TASP1: variants seen among roughly 807,000 people sequenced by gnomAD.
TASP1 encodes threonine aspartase 1.
TASP1 carries 16 observed loss-of-function variants against 56.6 expected under a neutral mutation model. The ratio of observed to expected loss-of-function variants is 0.28; its 90% confidence interval spans 0.19 to 0.43. The LOEUF (loss-of-function observed/expected upper bound fraction) is 0.43, where lower values mean the gene tolerates loss of function less well. Ranked by LOEUF, TASP1 falls within the 20% of genes least tolerant of loss-of-function variation. The pLI, the probability that TASP1 is intolerant of heterozygous loss-of-function variation, is 1.00. For synonymous variants in TASP1, 179 were observed against 184.2 expected (o/e 0.97, Z 0.23); for missense variants, 393 against 511.6 (o/e 0.77, Z 2.24).
At chr20:13,138,077 T>C in the TASP1 span, among the ~76,000 whole-genome samples, 35 of 152,286 alleles carry the variant, frequency 2.3e-4, no homozygotes, top group African/African-American at 8.2e-4. Flanking sequence ...TTGTCCCCTT[T>C]CCTGTGAGTT....
chr20:13,590,018 G>A (rs1191959292), intron 4 of TASP1, among the ~76,000 whole-genome samples: 1 of 151,962 alleles, frequency 6.6e-6, no homozygotes, highest in Non-Finnish European at 1.5e-5. Flanking sequence ...GATCACTTGA[G>A]GCCAGGACTT....
the TASP1 span, among the ~76,000 whole-genome samples, chr20:13,260,602 G>GT: frequency 0.039 from 5,675 of 144,930 alleles, 167 homozygotes; most frequent in African/African-American, 0.086. Flanking sequence ...ATAAAGTGGA[G>GT]TTTTTTTTTT....
the TASP1 span, among the ~76,000 whole-genome samples, chr20:13,375,329 C>A: frequency 6.6e-6 from 1 of 150,430 alleles, no homozygotes; most frequent in Non-Finnish European, 1.5e-5. Context: ...TGAGAAAATG[C>A]GGTGTTTGGT....
At chr20:13,488,691 T>TA (rs1446831676) in intron 10 of TASP1, among the ~76,000 whole-genome samples, 1 of 152,166 alleles carries the variant, frequency 6.6e-6, no homozygotes, top group East Asian at 1.9e-4. Flanking sequence ...CACTACCTGA[T>TA]AAACTCACAC....
intron 4 of TASP1, among the ~76,000 whole-genome samples, chr20:13,618,483 T>C (rs1235045575): frequency 6.6e-6 from 1 of 152,090 alleles, no homozygotes; most frequent in Non-Finnish European, 1.5e-5. Flanking sequence ...TATAAATATA[T>C]AATGAAAATA....
the TASP1 span, among the ~76,000 whole-genome samples, chr20:13,362,839 T>TATATATATATATG: frequency 1.5e-5 from 1 of 64,670 alleles, no homozygotes; most frequent in African/African-American, 5.1e-5. Context: ...ATATATATAT[T>TATATATATATATG]TGTCTCTCCC....
intron 10 of TASP1, among the ~76,000 whole-genome samples, chr20:13,493,252 C>T (rs1369609955): frequency 6.6e-6 from 1 of 152,138 alleles, no homozygotes; most frequent in Non-Finnish European, 1.5e-5. Flanking sequence ...ATTGACAAAG[C>T]TTCAGCCACT....
chr20:13,173,751 G>A, the TASP1 span, among the ~76,000 whole-genome samples: 12 of 152,152 alleles, frequency 7.9e-5, no homozygotes. Flanking sequence ...TTTCATTAGT[G>A]ATGGTGAAAG....
the TASP1 span, among the ~76,000 whole-genome samples, chr20:13,260,220 G>A: frequency 3.3e-5 from 5 of 152,214 alleles, no homozygotes; most frequent in African/African-American, 4.8e-5. Flanking sequence ...GCCTATGACA[G>A]CTCTATAATT....
At chr20:13,116,680 A>G in the TASP1 span, among the ~76,000 whole-genome samples, 2 of 152,156 alleles carry the variant, frequency 1.3e-5, no homozygotes, top group Non-Finnish European at 2.9e-5. Context: ...GCAACTTACA[A>G]TATCATGAAA....
intron 11 of TASP1, among the ~76,000 whole-genome samples, chr20:13,444,359 TTTTTTC>T (rs2043324783): frequency 6.6e-6 from 1 of 152,184 alleles, no homozygotes; most frequent in Admixed American, 6.6e-5. Flanking sequence ...TGTGCATTGC[TTTTTTC>T]TTTTTAATTC....
At chr20:13,255,217 T>C in the TASP1 span, among the ~76,000 whole-genome samples, 1 of 152,108 alleles carries the variant, frequency 6.6e-6, no homozygotes, top group African/African-American at 2.4e-5. Context: ...ACTTGAAGGA[T>C]AGAAGAGAGA....
the TASP1 span, among the ~76,000 whole-genome samples, chr20:13,154,618 C>T: frequency 6.6e-6 from 1 of 152,124 alleles, no homozygotes; most frequent in Non-Finnish European, 1.5e-5. Context: ...GCAACCTGCC[C>T]AAAGTCACAC....
intron 11 of TASP1, among the ~76,000 whole-genome samples, chr20:13,448,676 T>C (rs2043504760): frequency 6.6e-6 from 1 of 152,106 alleles, no homozygotes; most frequent in African/African-American, 2.4e-5. Flanking sequence ...GCTTATGCCT[T>C]TGATCAAATA....
chr20:13,463,197 GC>G (rs1768184377), intron 11 of TASP1, among the ~76,000 whole-genome samples: 1 of 152,062 alleles, frequency 6.6e-6, no homozygotes, highest in African/African-American at 2.4e-5. Flanking sequence ...AGAATAGAGA[GC>G]CCAGAAATAA....
the TASP1 span, among the ~76,000 whole-genome samples, chr20:13,324,662 A>G: frequency 6.6e-6 from 1 of 152,180 alleles, no homozygotes; most frequent in Admixed American, 6.5e-5. Flanking sequence ...AAACAAAATG[A>G]TGCCTACAAA....
At chr20:13,505,207 T>C (rs2044086829) in intron 10 of TASP1, among the ~76,000 whole-genome samples, 1 of 152,148 alleles carries the variant, frequency 6.6e-6, no homozygotes, top group South Asian at 2.1e-4. Context: ...AAGTGATTAA[T>C]TCACCAAAAG....
chr20:13,611,330 C>T (rs2048340459), intron 4 of TASP1, among the ~76,000 whole-genome samples: 1 of 152,110 alleles, frequency 6.6e-6, no homozygotes, highest in African/African-American at 2.4e-5. Flanking sequence ...AGTAAATAAA[C>T]AATTTGGTTC....
At chr20:13,462,097 G>A (rs2044075207) in intron 11 of TASP1, among the ~76,000 whole-genome samples, 1 of 151,850 alleles carries the variant, frequency 6.6e-6, no homozygotes. Context: ...ATCTTATTAT[G>A]AGAAAAAAAA....
Sources: allele counts gnomAD v4.1 joint callset (sites outside exome capture counted in the v4.1 genomes callset), GRCh38; gene constraint gnomAD v4.1.1; transcripts MANE v1.5; gene names NCBI Gene and HGNC (gene_info 2026-07-23, HGNC 2026-07-21).